The following MAST4 variants were observed in gnomAD, a reference collection of about 807,000 sequenced individuals.
MAST4 encodes the protein microtubule-associated serine/threonine-protein kinase 4.
In MAST4, 89 loss-of-function variants were observed where a neutral mutation model predicts 162.7. The observed-to-expected ratio is 0.55, with a 90% CI of 0.46 to 0.65. MAST4 has a LOEUF of 0.65. Among genes scored for constraint, MAST4 ranks in the 30% least tolerant of loss-of-function variants. The pLI, the probability that MAST4 is intolerant of heterozygous loss-of-function variation, is 0.00. For missense variants in MAST4, 3,153 were observed against 3,374.0 expected, an observed-to-expected ratio of 0.93 and a Z score of 1.62; for synonymous variants, 1,479 against 1,361.1, an observed-to-expected ratio of 1.09 and a Z score of -1.91.
chr5:66,754,554 T>C (rs923087548), intron 1 of MAST4, among the ~76,000 whole-genome samples: 1 of 152,238 alleles, frequency 6.6e-6, no homozygotes, highest in Non-Finnish European at 1.5e-5. Context: ...ATTTTTTTCC[T>C]GTTATATTTT....
At chr5:67,136,755 G>A (rs1244168278) in intron 19 of MAST4, 91 bp downstream of exon 19, 8 of 923,508 alleles carry the variant, frequency 8.7e-6, no homozygotes, top group Non-Finnish European at 1.2e-5. Context: ...TTTGCTTTTT[G>A]CATAGGCAAC....
At chr5:66,639,523 T>G (rs1410285582) in intron 1 of MAST4, among the ~76,000 whole-genome samples, 1 of 152,162 alleles carries the variant, frequency 6.6e-6, no homozygotes, top group Non-Finnish European at 1.5e-5. Flanking sequence ...CTATGTTCGG[T>G]GAAACTGTAT....
chr5:66,916,913 A>G, intron 4 of MAST4: 1 of 704,134 alleles, frequency 1.4e-6, no homozygotes, highest in Non-Finnish European at 2.6e-6. Context: ...CCCTCCCCAC[A>G]ACAAACAGTG....
chr5:66,962,666 C>G (rs1219959534), intron 4 of MAST4, among the ~76,000 whole-genome samples: 2 of 152,132 alleles, frequency 1.3e-5, no homozygotes, highest in African/African-American at 4.8e-5. Context: ...CCACTACACT[C>G]CAGCCTGGGT....
chr5:66,679,330 A>G (rs1748174235), intron 1 of MAST4, among the ~76,000 whole-genome samples: 1 of 152,178 alleles, frequency 6.6e-6, no homozygotes, highest in Admixed American at 6.5e-5. Flanking sequence ...TTTAGTGGTC[A>G]ATTGCATGTG....
chr5:67,084,159 C>G (rs1039445106), intron 5 of MAST4, among the ~76,000 whole-genome samples: 1 of 152,220 alleles, frequency 6.6e-6, no homozygotes, highest in Non-Finnish European at 1.5e-5. Context: ...CTTATTGGGT[C>G]TCTCTTCCAC....
At chr5:66,765,436 A>G (rs1754050174) in intron 2 of MAST4, among the ~76,000 whole-genome samples, 1 of 152,156 alleles carries the variant, frequency 6.6e-6, no homozygotes, top group South Asian at 2.1e-4. Context: ...AAATATTAAT[A>G]TTCTATAAAT....
intron 4 of MAST4, among the ~76,000 whole-genome samples, chr5:67,021,207 G>A (rs1365342739): frequency 6.6e-6 from 1 of 152,126 alleles, no homozygotes; most frequent in East Asian, 1.9e-4. Context: ...TTGAGCCATG[G>A]TACAGGACAG....
chr5:66,597,531 CG>C (rs1742272943), intron 1 of MAST4, among the ~76,000 whole-genome samples: 1 of 142,580 alleles, frequency 7.0e-6, no homozygotes, highest in African/African-American at 2.7e-5. Context: ...GGATCGCCCG[CG>C]GGTGGTTTTG....
intron 4 of MAST4, among the ~76,000 whole-genome samples, chr5:67,048,639 C>T (rs1196060127): frequency 6.6e-6 from 1 of 151,898 alleles, no homozygotes. Context: ...TATTTGAGGT[C>T]ATCTTTCCTT....
At chr5:66,696,946 CT>C (rs1187511913) in intron 1 of MAST4, among the ~76,000 whole-genome samples, 2 of 152,118 alleles carry the variant, frequency 1.3e-5, no homozygotes, top group Non-Finnish European at 2.9e-5. Context: ...TATCTTAACC[CT>C]TGAGAGTACT....
chr5:66,624,402 C>T (rs1306692699), intron 1 of MAST4, among the ~76,000 whole-genome samples: 1 of 152,010 alleles, frequency 6.6e-6, no homozygotes, highest in East Asian at 1.9e-4. Flanking sequence ...ATCTGCCCGC[C>T]TCGGCCTCCC....
chr5:66,881,520 T>C (rs1761692167), intron 3 of MAST4, among the ~76,000 whole-genome samples: 1 of 152,250 alleles, frequency 6.6e-6, no homozygotes, highest in African/African-American at 2.4e-5. Context: ...AGGTGAATTG[T>C]GACAGCCCCA....
intron 1 of MAST4, among the ~76,000 whole-genome samples, chr5:66,619,121 C>T (rs1050571535): frequency 1.3e-5 from 2 of 152,146 alleles, no homozygotes; most frequent in Admixed American, 6.5e-5. Flanking sequence ...TTTGTTAGTG[C>T]TTTGTTCCTC....
intron 3 of MAST4, chr5:66,828,880 C>A: frequency 6.2e-7 from 1 of 1,601,478 alleles, no homozygotes; most frequent in Admixed American, 1.7e-5. Context: ...AAGAGGGCTC[C>A]AGGTAGGAGA....
At chr5:66,694,588 G>C (rs1749274079) in intron 1 of MAST4, among the ~76,000 whole-genome samples, 1 of 152,096 alleles carries the variant, frequency 6.6e-6, no homozygotes, top group Non-Finnish European at 1.5e-5. Flanking sequence ...CCAGGTTCAA[G>C]TGATTCTCCT....
rs77807946 is a variant in MAST4 at position 66,829,753 on chromosome 5, A to C, written c.642+40959A>C. ...TACAGAATATACAGCACATTTAGAA[A>C]TGTTTCCTTAATATTAAGTCTTTGA... On this transcript the variant is annotated intron_variant, in intron 3 of 28. Coordinates refer to ENST00000403625, the MANE Select transcript of MAST4 (RefSeq NM_001164664.2). 5.9e-3 allele frequency among the ~76,000 whole-genome samples: 893 copies of C among 152,234 alleles called. 8 individuals carry two copies. Among genetic ancestry groups the C allele is most frequent in the African/African-American group, 0.02 (820 of 41,534 alleles).
chr5:67,156,000 A>C (rs1352743445), intron 26 of MAST4, among the ~76,000 whole-genome samples: 1 of 150,598 alleles, frequency 6.6e-6, no homozygotes, highest in Non-Finnish European at 1.5e-5. Flanking sequence ...CGGAGGTTGC[A>C]GTGGGCCAAG....
At chr5:67,102,655 C>A (rs767628889) in intron 9 of MAST4, 44 bp downstream of exon 9, 2 of 1,476,898 alleles carry the variant, frequency 1.4e-6, no homozygotes, top group Admixed American at 3.3e-5. Flanking sequence ...AACGAACAGG[C>A]ACCATAGGTT....
Sources: allele counts gnomAD v4.1 joint callset (sites outside exome capture counted in the v4.1 genomes callset), GRCh38; gene constraint gnomAD v4.1.1; transcripts MANE v1.5; gene names NCBI Gene and HGNC (gene_info 2026-07-23, HGNC 2026-07-21).